Variants in FGGY observed in about 807,000 individuals in gnomAD.
FGGY encodes the protein FGGY carbohydrate kinase domain containing.
Under a neutral mutation model 71.3 loss-of-function variants are expected in FGGY, and 72 were observed. The observed-to-expected ratio is 1.01, with a 90% CI of 0.84 to 1.23. The LOEUF (loss-of-function observed/expected upper bound fraction) is 1.23, where lower values mean the gene tolerates loss of function less well. Among genes scored for constraint, FGGY ranks in the 50% most tolerant of loss-of-function variants. The probability of loss-of-function intolerance (pLI) is 0.00; values close to 1 mark genes in which losing one functional copy is unlikely to be tolerated. For synonymous variants in FGGY, 251 were observed against 250.3 expected (o/e 1.00, Z -0.02); for missense variants, 668 against 682.3 (o/e 0.98, Z 0.23).
rs553530465 is a variant in FGGY, at chr1:59,497,209, T to C, written c.671-15102T>C. ...ATCCCACATCATCATCCTTGGAAAA[T>C]AGATTTACAAATTTCCAGCAGGAAG... On this transcript the variant is annotated intron_variant, in intron 6 of 15. Transcript: ENST00000303721. Among the ~76,000 whole-genome samples the C allele has an allele frequency of 4.6e-5, 7 of 152,044 alleles. No homozygotes were observed. The East Asian group carries it at 7.7e-4, about 17-fold the overall frequency.
intron 11 of FGGY, among the ~76,000 whole-genome samples, chr1:59,642,379 C>A (rs970443370): frequency 1.3e-5 from 2 of 152,174 alleles, no homozygotes; most frequent in African/African-American, 4.8e-5. Context: ...GTAATCCCAG[C>A]ACTTTGGGAG....
intron 15 of FGGY, among the ~76,000 whole-genome samples, chr1:59,758,295 T>C (rs192545608): frequency 1.3e-4 from 20 of 152,326 alleles, no homozygotes; most frequent in Admixed American, 6.5e-4. Context: ...TATATCTCCA[T>C]CAAAGGACCC....
chr1:59,739,040 A>C (rs1393709802), intron 14 of FGGY, among the ~76,000 whole-genome samples: 6 of 152,228 alleles, frequency 3.9e-5, no homozygotes, highest in African/African-American at 1.2e-4. Context: ...ACCAGAACAG[A>C]CATGGAGTGG....
At chr1:59,638,991 A>C (rs2096990580) in intron 11 of FGGY, among the ~76,000 whole-genome samples, 1 of 152,192 alleles carries the variant, frequency 6.6e-6, no homozygotes, top group Non-Finnish European at 1.5e-5. Context: ...TGAGATATAA[A>C]AGTAATAACA....
intron 5 of FGGY, among the ~76,000 whole-genome samples, chr1:59,382,367 C>T (rs533416725): frequency 2.0e-4 from 31 of 152,312 alleles, no homozygotes; most frequent in African/African-American, 7.2e-4. Context: ...AACCCCGAAC[C>T]TCCTTGCGGT....
chr1:59,687,940 C>G (rs191957036), intron 14 of FGGY, among the ~76,000 whole-genome samples: 1 of 152,208 alleles, frequency 6.6e-6, no homozygotes, highest in African/African-American at 2.4e-5. Flanking sequence ...TTCTCCTCCT[C>G]TCCCTGTTGG....
intron 14 of FGGY, among the ~76,000 whole-genome samples, chr1:59,710,864 T>A (rs545022829): frequency 5.5e-4 from 83 of 152,258 alleles, no homozygotes; most frequent in African/African-American, 1.9e-3. Context: ...TAGTTCAACC[T>A]TTGTGGAAGA....
At chr1:59,443,528 C>T (rs925810376) in intron 5 of FGGY, among the ~76,000 whole-genome samples, 9 of 152,030 alleles carry the variant, frequency 5.9e-5, no homozygotes, top group African/African-American at 1.2e-4. Context: ...CCAGGCTTAC[C>T]GATTATGCAC....
chr1:59,665,855 A>G (rs2097319396), intron 12 of FGGY, among the ~76,000 whole-genome samples: 1 of 152,066 alleles, frequency 6.6e-6, no homozygotes. Context: ...TTGTATTTTT[A>G]GTAGAGATGG....
At position 59,554,249 on chromosome 1, in the gene FGGY, G is replaced by A. The variant is rs371202019; in HGVS notation, c.903+22G>A. On this transcript the variant is annotated intron_variant, in intron 8 of 15. Transcript: ENST00000303721. ...GGGGGTGAGTCCACTGAGCACAAAGGCAAGGCCACCACACAGCAGGAGGTA... is the reference window on the plus strand; with the variant it reads ...GGGGGTGAGTCCACTGAGCACAAAGACAAGGCCACCACACAGCAGGAGGTA... 27 of 1,590,034 alleles carry A rather than the reference G, an allele frequency of 1.7e-5. No homozygotes were observed. The African/African-American group carries it at 2.8e-4, about 17-fold the overall frequency.
intron 15 of FGGY, among the ~76,000 whole-genome samples, chr1:59,761,058 T>G (rs2098337030): frequency 6.6e-6 from 1 of 152,236 alleles, no homozygotes; most frequent in African/African-American, 2.4e-5. Flanking sequence ...TCACTTATTA[T>G]GAGTCAGGTA....
At chr1:59,590,473 G>A (rs1214723184) in intron 8 of FGGY, among the ~76,000 whole-genome samples, 6 of 152,142 alleles carry the variant, frequency 3.9e-5, no homozygotes, top group African/African-American at 1.4e-4. Context: ...AAGCCTGGCA[G>A]AGACACAACC....
intron 8 of FGGY, among the ~76,000 whole-genome samples, chr1:59,587,235 C>G (rs1340218289): frequency 6.6e-6 from 1 of 152,148 alleles, no homozygotes; most frequent in Non-Finnish European, 1.5e-5. Context: ...GGCAGCAAGG[C>G]TGGGGGAGGG....
At chr1:59,618,739 T>TA (rs1019098866) in intron 9 of FGGY, among the ~76,000 whole-genome samples, 1 of 151,928 alleles carries the variant, frequency 6.6e-6, no homozygotes, top group Non-Finnish European at 1.5e-5. Flanking sequence ...CTGGGAGACT[T>TA]AGAGAGAAAG....
intron 4 of FGGY, among the ~76,000 whole-genome samples, chr1:59,347,648 G>A (rs1296000140): frequency 1.3e-5 from 2 of 152,060 alleles, no homozygotes; most frequent in Non-Finnish European, 2.9e-5. Flanking sequence ...CAGAAATAAT[G>A]CCACATATCT....
At chr1:59,450,505 CCTT>C (rs145154801) in intron 5 of FGGY, among the ~76,000 whole-genome samples, 2 of 152,164 alleles carry the variant, frequency 1.3e-5, no homozygotes, top group African/African-American at 2.4e-5. Flanking sequence ...AAAGTATTCT[CCTT>C]CTCCCTCCTC....
At chr1:59,442,282 G>T (rs1249629837) in intron 5 of FGGY, among the ~76,000 whole-genome samples, 4 of 152,094 alleles carry the variant, frequency 2.6e-5, no homozygotes, top group African/African-American at 9.7e-5. Context: ...TCACAAAATT[G>T]TCATGTTTTT....
chr1:59,733,923 TG>T (rs2098074018), intron 14 of FGGY, among the ~76,000 whole-genome samples: 1 of 152,204 alleles, frequency 6.6e-6, no homozygotes, highest in South Asian at 2.1e-4. Flanking sequence ...CTCTCATATC[TG>T]GGTGATAAGA....
chr1:59,499,697 G>A (rs1312069387), intron 6 of FGGY, among the ~76,000 whole-genome samples: 1 of 152,168 alleles, frequency 6.6e-6, no homozygotes, highest in Admixed American at 6.5e-5. Context: ...TCTGGCTTTG[G>A]TGAAACATAG....
Sources: gnomAD v4.1 joint callset for allele counts (sites outside exome capture counted in the v4.1 genomes callset) on GRCh38, gnomAD v4.1.1 for gene constraint, MANE v1.5 for transcripts, NCBI Gene and HGNC (gene_info 2026-07-23, HGNC 2026-07-21) for gene names.